Variants in SMG7 observed in about 807,000 individuals in gnomAD.
SMG7 encodes nonsense-mediated mRNA decay factor SMG7.
SMG7 carries 34 observed loss-of-function variants against 148.2 expected under a neutral mutation model. The ratio of observed to expected loss-of-function variants is 0.23; its 90% CI spans 0.17 to 0.31. SMG7 has a LOEUF of 0.31. Among genes scored for constraint, SMG7 ranks in the 10% least tolerant of loss-of-function variants. SMG7 has a pLI of 1.00. For missense variants in SMG7, 1,114 were observed against 1,408.4 expected (o/e 0.79, Z 3.35); for synonymous variants, 492 against 515.1 (o/e 0.96, Z 0.61).
At chr1:183,502,860 A>G (rs1660047716) in intron 1 of SMG7, among the ~76,000 whole-genome samples, 1 of 152,242 alleles carries the variant, frequency 6.6e-6, no homozygotes, top group Non-Finnish European at 1.5e-5. Flanking sequence ...GTATGATAGT[A>G]TGCTAGAGAA....
intron 15 of SMG7, 62 bp from the exon 16 acceptor site, chr1:183,544,868 G>A: frequency 6.5e-7 from 1 of 1,536,456 alleles, no homozygotes; most frequent in Non-Finnish European, 8.8e-7. Context: ...AAAAAAAAAT[G>A]ACTTTTTTTG....
intron 1 of SMG7, 190 bp downstream of exon 1, chr1:183,472,839 GC>G: frequency 2.2e-6 from 1 of 446,768 alleles, no homozygotes; most frequent in Non-Finnish European, 3.7e-6. Flanking sequence ...AGCCCCTACC[GC>G]CCGGGCTGAG....
In SMG7 at chr1:183,516,533, G is replaced by A. The variant is rs1358532010; in HGVS notation, c.179+542G>A. Among the ~76,000 whole-genome samples, 6 of 152,276 alleles carry A rather than the reference G, an allele frequency of 3.9e-5. No individual in the cohort carries two copies. The East Asian group carries it at 9.7e-4, about 24-fold the overall frequency. On this transcript the variant is annotated intron_variant, in intron 3 of 22. Transcript: ENST00000688051. ...TTCTTCTTTCTATAAGGGGCAAAAT[G>A]GCAGATAACCAGATTCCCAAGTGAG...
chr1:183,479,732 A>G (rs1283498573), intron 1 of SMG7, among the ~76,000 whole-genome samples: 1 of 152,212 alleles, frequency 6.6e-6, no homozygotes, highest in Non-Finnish European at 1.5e-5. Context: ...ACATTTAAGT[A>G]GCTATAATAG....
At chr1:183,481,222 T>A (rs1654017263) in intron 1 of SMG7, among the ~76,000 whole-genome samples, 1 of 152,170 alleles carries the variant, frequency 6.6e-6, no homozygotes, top group Non-Finnish European at 1.5e-5. Flanking sequence ...CAGAGTAATC[T>A]CATTGTTTTC....
chr1:183,542,526 G>A (rs1452295275), intron 14 of SMG7, 24 bp downstream of exon 14: 4 of 1,582,060 alleles, frequency 2.5e-6, no homozygotes, highest in Non-Finnish European at 3.4e-6. Context: ...GAACTATAAA[G>A]CAGGTAGAGG....
chr1:183,520,422 T>C (rs1664509099), intron 4 of SMG7, among the ~76,000 whole-genome samples: 1 of 152,228 alleles, frequency 6.6e-6, no homozygotes, highest in African/African-American at 2.4e-5. Context: ...CAGATTCCCA[T>C]CATTTCTTGG....
chr1:183,492,376 A>T (rs1358991916), intron 1 of SMG7, among the ~76,000 whole-genome samples: 1 of 152,236 alleles, frequency 6.6e-6, no homozygotes, highest in Non-Finnish European at 1.5e-5. Flanking sequence ...ATGTAGAAAT[A>T]GGTGAGCCTG....
At chr1:183,519,098 C>T (rs1157720455) in intron 4 of SMG7, among the ~76,000 whole-genome samples, 1 of 152,052 alleles carries the variant, frequency 6.6e-6, no homozygotes, top group Admixed American at 6.5e-5. Context: ...GAGGCTGAGG[C>T]AGGAGGATCA....
intron 1 of SMG7, among the ~76,000 whole-genome samples, chr1:183,484,786 A>T (rs1655023095): frequency 6.6e-6 from 1 of 152,132 alleles, no homozygotes. Flanking sequence ...ATGTGATTTT[A>T]TTATTTTATA....
chr1:183,542,335 G>T lies in SMG7; in HGVS notation c.1675G>T (p.Asp559Tyr). ...CATTAAGACACGAGAAGTGAACAGA[G>T]ACCAAGGAAGAAGTTTTCCTCCCAA... is the stretch of plus-strand genomic sequence containing the variant. ...ENIKTREVNR[D>Y]QGRSFPPKEV... The change falls in exon 14 of 23, where the codon GAC (aspartate) becomes TAC (tyrosine). Residue 559 changes from aspartate to tyrosine, a missense_variant. Coordinates refer to ENST00000688051, the MANE Select transcript of SMG7 (RefSeq NM_001375584.1). 1 of 1,614,102 alleles carries T rather than the reference G, an allele frequency of 6.2e-7. No individual in the cohort carries two copies. Among genetic ancestry groups the T allele is most frequent in the Non-Finnish European group, 8.5e-7 (1 of 1,180,000 alleles).
intron 1 of SMG7, among the ~76,000 whole-genome samples, chr1:183,480,015 A>G (rs1032791767): frequency 1.5e-4 from 23 of 152,170 alleles, no homozygotes; most frequent in Non-Finnish European, 5.9e-5. Context: ...TTTCTTAGAT[A>G]AGGTAGGTTT....
intron 1 of SMG7, among the ~76,000 whole-genome samples, chr1:183,499,573 C>T (rs952708345): frequency 6.6e-6 from 1 of 152,168 alleles, no homozygotes; most frequent in Non-Finnish European, 1.5e-5. Context: ...GGTTTTGGCT[C>T]ATTTTTTAAT....
chr1:183,509,554 A>T (rs1379233814), intron 1 of SMG7, among the ~76,000 whole-genome samples: 1 of 152,164 alleles, frequency 6.6e-6, no homozygotes, highest in Non-Finnish European at 1.5e-5. Context: ...TAGGGTTGTT[A>T]TATTTTCCAT....
intron 1 of SMG7, among the ~76,000 whole-genome samples, chr1:183,495,051 A>G (rs1557968130): frequency 6.6e-6 from 1 of 151,168 alleles, no homozygotes; most frequent in African/African-American, 2.4e-5. Context: ...CTGGTCTCCA[A>G]CTCCTGACCT....
chr1:183,542,916 AAT>A (rs557188491), intron 14 of SMG7, among the ~76,000 whole-genome samples: 4,594 of 124,106 alleles, frequency 0.037, 171 homozygotes, highest in African/African-American at 0.081. Flanking sequence ...GATTCACTAT[AAT>A]ATATATATAT....
intron 8 of SMG7, among the ~76,000 whole-genome samples, chr1:183,530,944 A>G (rs1010696702): frequency 6.6e-6 from 1 of 152,124 alleles, no homozygotes; most frequent in Non-Finnish European, 1.5e-5. Flanking sequence ...CATTTGGTTC[A>G]ACCTCAAACA....
intron 12 of SMG7, among the ~76,000 whole-genome samples, chr1:183,538,962 G>A (rs1415871182): frequency 6.6e-6 from 1 of 151,890 alleles, no homozygotes; most frequent in Non-Finnish European, 1.5e-5. Context: ...TGGCTAACCC[G>A]GTGAAACCCC....
At chr1:183,512,704 C>A in intron 1 of SMG7, 133 bp from the exon 2 acceptor site, 2 of 825,186 alleles carry the variant, frequency 2.4e-6, no homozygotes, top group Non-Finnish European at 3.8e-6. Flanking sequence ...GTTTGCAGTG[C>A]CACAAATATA....
Sources: allele counts gnomAD v4.1 joint callset (sites outside exome capture counted in the v4.1 genomes callset), GRCh38; gene constraint gnomAD v4.1.1; transcripts MANE v1.5; gene names NCBI Gene and HGNC (gene_info 2026-07-23, HGNC 2026-07-21).